The following BRMS1L variants were observed in gnomAD, a reference collection of about 807,000 sequenced individuals.
BRMS1L encodes breast cancer metastasis-suppressor 1-like protein.
In BRMS1L, 23 loss-of-function variants were observed where a neutral mutation model predicts 50.3. The ratio of observed to expected loss-of-function variants is 0.46; its 90% CI spans 0.33 to 0.65. The LOEUF (loss-of-function observed/expected upper bound fraction) is 0.65. Among genes scored for constraint, BRMS1L ranks in the 30% least tolerant of loss-of-function variants. The pLI is 0.02. For missense variants in BRMS1L, 286 were observed against 386.1 expected, an observed-to-expected ratio of 0.74 and a Z score of 2.17; for synonymous variants, 114 against 126.9, an observed-to-expected ratio of 0.90 and a Z score of 0.69.
At chr14:35,851,026 G>A (rs2078205227) in intron 4 of BRMS1L, among the ~76,000 whole-genome samples, 1 of 151,990 alleles carries the variant, frequency 6.6e-6, no homozygotes, top group Non-Finnish European at 1.5e-5. Context: ...TTATTGCTTT[G>A]CCTTTCCTGG....
chr14:35,835,047 G>T, intron 4 of BRMS1L, 124 bp downstream of exon 4: 3 of 476,208 alleles, frequency 6.3e-6, no homozygotes, highest in African/African-American at 2.1e-5. Flanking sequence ...TCATTTGTGT[G>T]TGATTAAAAA....
intron 4 of BRMS1L, among the ~76,000 whole-genome samples, chr14:35,858,995 G>A (rs2078316652): frequency 6.7e-6 from 1 of 150,144 alleles, no homozygotes; most frequent in African/African-American, 2.5e-5. Flanking sequence ...AGGCTGGAGT[G>A]CAGTGGTGCA....
chr14:35,846,137 A>G (rs929256503), intron 4 of BRMS1L, among the ~76,000 whole-genome samples: 1 of 152,184 alleles, frequency 6.6e-6, no homozygotes, highest in Non-Finnish European at 1.5e-5. Context: ...CTGTAGTCCC[A>G]GCGCTTTGGG....
chr14:35,848,878 A>G (rs769220519), intron 4 of BRMS1L, among the ~76,000 whole-genome samples: 5 of 152,190 alleles, frequency 3.3e-5, no homozygotes, highest in Admixed American at 6.5e-5. Context: ...TTAACATTTC[A>G]TCAATGGATG....
At chr14:35,830,933 T>A (rs1034901610) in intron 1 of BRMS1L, among the ~76,000 whole-genome samples, 1 of 151,370 alleles carries the variant, frequency 6.6e-6, no homozygotes, top group Non-Finnish European at 1.5e-5. Flanking sequence ...AGATTAAATC[T>A]ATAGTGGATT....
intron 3 of BRMS1L, 140 bp downstream of exon 3, chr14:35,833,245 C>T: frequency 1.2e-6 from 1 of 807,452 alleles, no homozygotes; most frequent in Non-Finnish European, 1.8e-6. Context: ...TTTTAGTTAG[C>T]CCACAGTTAC....
rs563355944 is a variant in BRMS1L, at chr14:35,849,842, CAG to C, written c.442-12745_442-12744del. ...GTCTTTCTTTTTTTTTTTGTTGACA[CAG>C]AGTGTCGTTCTGTCACCCAGGCTGG... On this transcript the variant is annotated intron_variant, in intron 4 of 9. Transcript: ENST00000216807. Among the ~76,000 whole-genome samples, 988 of 151,672 alleles carry C rather than the reference CAG, an allele frequency of 6.5e-3. 5 individuals carry two copies. The highest frequency in any genetic ancestry group is 0.01 in the Middle Eastern group (3 of 292).
chr14:35,868,010 A>G lies in BRMS1L; in HGVS notation c.832A>G (p.Lys278Glu), dbSNP rs2078443481. 8 of 1,601,860 alleles carry G rather than the reference A, an allele frequency of 5.0e-6. No homozygotes were observed. The highest frequency in any genetic ancestry group is 6.8e-6 in the Non-Finnish European group (8 of 1,176,476). ...YIRGQTICID[K>E]KDECPTSAVI... ...ACGTGGACAAACAATATGTATTGAT[A>G]AAAAAGATGAATGTCCTACAAGGTA... The change falls in exon 9 of 10, where the codon AAA becomes GAA. Residue 278 changes from lysine (K) to glutamate (E), a missense_variant. Coordinates refer to ENST00000216807, the MANE Select transcript of BRMS1L (RefSeq NM_032352.4).
At chr14:35,829,798 G>A in intron 1 of BRMS1L, 1 of 1,228,740 alleles carries the variant, frequency 8.1e-7, no homozygotes. Flanking sequence ...CTCATAGTTT[G>A]ACTTTTATTT....
chr14:35,827,113 T>C (rs1318274757), intron 1 of BRMS1L, among the ~76,000 whole-genome samples: 1 of 152,228 alleles, frequency 6.6e-6, no homozygotes, highest in Non-Finnish European at 1.5e-5. Flanking sequence ...TCAGCACTTT[T>C]ACATCAGTGT....
At chr14:35,861,107 A>G (rs967001158) in intron 4 of BRMS1L, among the ~76,000 whole-genome samples, 9 of 152,210 alleles carry the variant, frequency 5.9e-5, no homozygotes, top group Non-Finnish European at 8.8e-5. Flanking sequence ...CTTTCCAAGA[A>G]AAAGAAAGAG....
At chr14:35,839,465 A>G (rs2142042751) in intron 4 of BRMS1L, among the ~76,000 whole-genome samples, 1 of 152,334 alleles carries the variant, frequency 6.6e-6, no homozygotes, top group African/African-American at 2.4e-5. Context: ...TTTGGACACA[A>G]TGGCCATTTT....
intron 4 of BRMS1L, among the ~76,000 whole-genome samples, chr14:35,859,554 T>C (rs2078323888): frequency 6.6e-6 from 1 of 152,226 alleles, no homozygotes. Context: ...CTTGTCTTGG[T>C]ATTGTGGGAT....
chr14:35,860,482 AT>A (rs1302146387), intron 4 of BRMS1L, among the ~76,000 whole-genome samples: 1 of 151,716 alleles, frequency 6.6e-6, no homozygotes, highest in Non-Finnish European at 1.5e-5. Flanking sequence ...TTCCCAGATG[AT>A]TTAAAAAGTC....
At chr14:35,834,088 G>T (rs2077961257) in intron 3 of BRMS1L, among the ~76,000 whole-genome samples, 1 of 152,136 alleles carries the variant, frequency 6.6e-6, no homozygotes. Flanking sequence ...AGTAGTGTGT[G>T]TGAATGTGTT....
intron 3 of BRMS1L, 45 bp downstream of exon 3, chr14:35,833,150 T>C: frequency 6.4e-7 from 1 of 1,557,480 alleles, no homozygotes; most frequent in Non-Finnish European, 8.7e-7. Flanking sequence ...TGTAAACTCT[T>C]CAGTAGCTTT....
intron 7 of BRMS1L, among the ~76,000 whole-genome samples, 165 bp from the exon 8 acceptor site, chr14:35,865,557 A>G (rs990547903): frequency 1.3e-5 from 2 of 152,090 alleles, no homozygotes; most frequent in African/African-American, 4.8e-5. Flanking sequence ...CATATTCTTT[A>G]TGGTCTTAGA....
intron 1 of BRMS1L, among the ~76,000 whole-genome samples, chr14:35,830,445 C>T (rs1037923253): frequency 6.6e-6 from 1 of 152,050 alleles, no homozygotes; most frequent in African/African-American, 2.4e-5. Flanking sequence ...GCAACCTCTG[C>T]CTATCAAGTT....
At chr14:35,844,826 A>C (rs1022417958) in intron 4 of BRMS1L, among the ~76,000 whole-genome samples, 1 of 152,208 alleles carries the variant, frequency 6.6e-6, no homozygotes, top group Non-Finnish European at 1.5e-5. Context: ...ATAATTTTGT[A>C]TATTGATATC....
Sources: allele counts gnomAD v4.1 joint callset (sites outside exome capture counted in the v4.1 genomes callset), GRCh38; gene constraint gnomAD v4.1.1; transcripts MANE v1.5; gene names NCBI Gene and HGNC (gene_info 2026-07-23, HGNC 2026-07-21).